The following LRP1B variants were observed in gnomAD, a reference collection of about 807,000 sequenced individuals.
LRP1B encodes the protein low-density lipoprotein receptor-related protein 1B.
LRP1B carries 217 observed loss-of-function variants against 556.6 expected under a neutral mutation model. That is an observed-to-expected ratio of 0.39 (90% CI 0.35 to 0.44). LRP1B has a LOEUF of 0.44. Ranked by LOEUF, LRP1B falls within the 20% of genes least tolerant of loss-of-function variation. The pLI, the probability that LRP1B is intolerant of heterozygous loss-of-function variation, is 1.00. For synonymous variants in LRP1B, 2,047 were observed against 1,865.8 expected, an observed-to-expected ratio of 1.10 and a Z score of -2.50; for missense variants, 5,053 against 5,620.8, an observed-to-expected ratio of 0.90 and a Z score of 3.23.
chr2:140,382,699 T>G (rs1200795624), intron 67 of LRP1B, among the ~76,000 whole-genome samples: 1 of 152,202 alleles, frequency 6.6e-6, no homozygotes, highest in Non-Finnish European at 1.5e-5. Context: ...ATTTGAACTC[T>G]TCCCATATCT....
chr2:141,254,290 G>A (rs746498525), intron 4 of LRP1B, among the ~76,000 whole-genome samples: 52 of 152,116 alleles, frequency 3.4e-4, no homozygotes, highest in Non-Finnish European at 1.3e-4. Context: ...AAACATTTCC[G>A]ATTGTTGACA....
intron 3 of LRP1B, among the ~76,000 whole-genome samples, chr2:141,347,373 CG>C: frequency 6.6e-6 from 1 of 151,988 alleles, no homozygotes; most frequent in East Asian, 1.9e-4. Context: ...AAAAACAGAG[CG>C]GGTACTTCAT....
intron 43 of LRP1B, among the ~76,000 whole-genome samples, chr2:140,569,704 A>T (rs1217517447): frequency 6.6e-6 from 1 of 151,922 alleles, no homozygotes; most frequent in Admixed American, 6.6e-5. Flanking sequence ...CCTAACAGAC[A>T]TTTATAGAAC....
Position 141,039,709 on chromosome 2 carries a change from G to T in LRP1B, c.1789+9277C>A, listed in dbSNP as rs906085278. The stretch of plus-strand genomic sequence containing the variant: ...TTATTTTGGGTGGAAATAAAGGAAA[G>T]GATGTCTTCTCCTCTGTGTTTACTA... On this transcript the variant is annotated intron_variant, in intron 11 of 90. Transcript: ENST00000389484. Among the ~76,000 whole-genome samples the T allele has an allele frequency of 2.2e-4, 34 of 152,030 alleles. 1 individual carries two copies. The highest frequency in any genetic ancestry group is 1.6e-3 in the Admixed American group (25 of 15,204).
chr2:141,256,504 C>T (rs1684471315), intron 3 of LRP1B, among the ~76,000 whole-genome samples: 1 of 151,904 alleles, frequency 6.6e-6, no homozygotes, highest in African/African-American at 2.4e-5. Flanking sequence ...AGTAGTGATA[C>T]ATTCTGACTT....
At chr2:140,705,521 C>CA (rs565447198) in intron 37 of LRP1B, among the ~76,000 whole-genome samples, 14 of 68,212 alleles carry the variant, frequency 2.1e-4, no homozygotes, top group East Asian at 5.8e-4. Flanking sequence ...GAGACTGTCT[C>CA]AAAAAAAAAA....
At position 140,702,550 on chromosome 2, in the gene LRP1B, G is replaced by A. The variant is rs529464707; in HGVS notation, c.6027C>T (p.Leu2009=). The part of the protein sequence containing the change: ...RSIAVHPEKG[L]LFWTEWGQMP... ...TTTGTCCCCATTCAGTCCAGAACAAGAGGCTGAAATTAAATTGTTAATTTG... is the reference window on the plus strand; with the variant it reads ...TTTGTCCCCATTCAGTCCAGAACAAAAGGCTGAAATTAAATTGTTAATTTG... Residue 2009 remains leucine, a synonymous_variant, in exon 38 of 91, where the codon CTC becomes CTT. Transcript: ENST00000389484. 121 of 1,612,998 alleles carry A rather than the reference G, an allele frequency of 7.5e-5. No individual in the cohort carries two copies. The East Asian group carries it at 2.6e-3, about 34-fold the overall frequency.
At chr2:141,724,001 G>GA (rs1558829827) in intron 2 of LRP1B, among the ~76,000 whole-genome samples, 1 of 151,726 alleles carries the variant, frequency 6.6e-6, no homozygotes, top group Non-Finnish European at 1.5e-5. Context: ...CCCAGAAAGG[G>GA]AAAACGATAA....
chr2:140,579,866 A>G (rs1359594635), intron 43 of LRP1B, among the ~76,000 whole-genome samples: 1 of 152,112 alleles, frequency 6.6e-6, no homozygotes, highest in Non-Finnish European at 1.5e-5. Flanking sequence ...AAATAAAATA[A>G]AAAGGTTAGG....
At chr2:141,956,479 T>C (rs1310913963) in intron 1 of LRP1B, among the ~76,000 whole-genome samples, 1 of 152,114 alleles carries the variant, frequency 6.6e-6, no homozygotes, top group Admixed American at 6.6e-5. Context: ...TTCTGGATTT[T>C]ATCTCTATGT....
intron 3 of LRP1B, among the ~76,000 whole-genome samples, chr2:141,393,305 A>G (rs112744856): frequency 3.3e-5 from 5 of 152,288 alleles, no homozygotes; most frequent in East Asian, 1.9e-4. Flanking sequence ...AAACTCTAAC[A>G]GCACCGCAAT....
At chr2:141,213,030 A>G (rs1285431475) in intron 6 of LRP1B, among the ~76,000 whole-genome samples, 2 of 152,102 alleles carry the variant, frequency 1.3e-5, no homozygotes, top group South Asian at 4.1e-4. Context: ...ACAGTGGTTC[A>G]ATCATGGCTC....
chr2:141,795,857 A>ATATAT (rs1695786588), intron 2 of LRP1B, among the ~76,000 whole-genome samples: 2 of 51,612 alleles, frequency 3.9e-5, no homozygotes, highest in Non-Finnish European at 7.4e-5. Flanking sequence ...AACCAGGAGC[A>ATATAT]ATATATATAT....
At chr2:141,902,267 T>A (rs942870231) in intron 1 of LRP1B, among the ~76,000 whole-genome samples, 3 of 151,800 alleles carry the variant, frequency 2.0e-5, no homozygotes, top group Non-Finnish European at 2.9e-5. Flanking sequence ...TATATTCACA[T>A]CCTACTAAAA....
chr2:141,210,250 G>GA (rs11370397), intron 6 of LRP1B, among the ~76,000 whole-genome samples: 70,240 of 148,924 alleles, frequency 0.47, 17,974 homozygotes, highest in Middle Eastern at 0.69. Flanking sequence ...GGAAATATAA[G>GA]AAAAAAAAAT....
At chr2:141,011,529 TAG>T (rs1558799192) in intron 14 of LRP1B, among the ~76,000 whole-genome samples, 2 of 152,202 alleles carry the variant, frequency 1.3e-5, no homozygotes, top group African/African-American at 4.8e-5. Flanking sequence ...ATCAAACATA[TAG>T]TTAAGTACTA....
chr2:141,195,300 G>A (rs1173338409), intron 6 of LRP1B, among the ~76,000 whole-genome samples: 3 of 152,052 alleles, frequency 2.0e-5, no homozygotes, highest in African/African-American at 7.2e-5. Context: ...GAGCCTGGAA[G>A]CCAGTCTTTT....
chr2:141,853,770 A>G (rs76990380), intron 1 of LRP1B, among the ~76,000 whole-genome samples: 7,631 of 152,090 alleles, frequency 0.05, 245 homozygotes, highest in Middle Eastern at 0.088. Flanking sequence ...TGAACACAAT[A>G]AAAAGAGAAC....
At chr2:141,186,466 T>A (rs892274529) in intron 7 of LRP1B, among the ~76,000 whole-genome samples, 2 of 152,020 alleles carry the variant, frequency 1.3e-5, no homozygotes, top group Non-Finnish European at 2.9e-5. Context: ...ATTTCTGATA[T>A]TAAGAGAAAA....
Sources: allele counts gnomAD v4.1 joint callset (sites outside exome capture counted in the v4.1 genomes callset), GRCh38; gene constraint gnomAD v4.1.1; transcripts MANE v1.5; gene names NCBI Gene and HGNC (gene_info 2026-07-23, HGNC 2026-07-21).